PCMTD1: variants seen among roughly 807,000 people sequenced by gnomAD.
PCMTD1 encodes protein-L-isoaspartate (D-aspartate) O-methyltransferase domain containing 1.
Under a neutral mutation model 37.6 loss-of-function variants are expected in PCMTD1, and 12 were observed. The observed-to-expected ratio is 0.32, with a 90% confidence interval of 0.20 to 0.52. The LOEUF (loss-of-function observed/expected upper bound fraction) is 0.52, where lower values mean the gene tolerates loss of function less well. PCMTD1 is among the 20% of genes least tolerant of loss of function. PCMTD1 has a pLI of 0.97. For synonymous variants in PCMTD1, 117 were observed against 135.8 expected, an observed-to-expected ratio of 0.86 and a Z score of 0.96; for missense variants, 235 against 421.3, an observed-to-expected ratio of 0.56 and a Z score of 3.87.
At chr8:51,880,216 A>G (rs1275511942) in intron 1 of PCMTD1, among the ~76,000 whole-genome samples, 1 of 152,034 alleles carries the variant, frequency 6.6e-6, no homozygotes, top group East Asian at 1.9e-4. Flanking sequence ...ATGAAAAAAA[A>G]AAGAGGGGAG....
At chr8:51,869,461 G>A (rs1370709690) in intron 1 of PCMTD1, among the ~76,000 whole-genome samples, 1 of 151,976 alleles carries the variant, frequency 6.6e-6, no homozygotes, top group Non-Finnish European at 1.5e-5. Flanking sequence ...GTCCCTCAGA[G>A]CTCTAATTTC....
intron 5 of PCMTD1, among the ~76,000 whole-genome samples, chr8:51,821,802 T>A (rs2037852563): frequency 1.3e-5 from 2 of 151,420 alleles, no homozygotes; most frequent in African/African-American, 2.4e-5. Flanking sequence ...AGTGGCGTGA[T>A]CTCAGCTACT....
At chr8:51,860,541 A>C (rs2038456766) in intron 2 of PCMTD1, 1 of 213,660 alleles carries the variant, frequency 4.7e-6, no homozygotes, top group Non-Finnish European at 9.4e-6. Flanking sequence ...AGAAGACAGA[A>C]CACTCTATCT....
chr8:51,837,972 G>A (rs1363239200), intron 3 of PCMTD1, among the ~76,000 whole-genome samples: 2 of 152,040 alleles, frequency 1.3e-5, no homozygotes, highest in East Asian at 3.9e-4. Flanking sequence ...TAGAGATGGG[G>A]CTGTACTAGT....
At chr8:51,866,308 A>G (rs987329831) in intron 1 of PCMTD1, among the ~76,000 whole-genome samples, 1 of 151,928 alleles carries the variant, frequency 6.6e-6, no homozygotes, top group African/African-American at 2.4e-5. Context: ...AAACAATCCT[A>G]AAATTTGTGA....
intron 5 of PCMTD1, among the ~76,000 whole-genome samples, chr8:51,821,025 G>A (rs2129271948): frequency 6.6e-6 from 1 of 152,286 alleles, no homozygotes; most frequent in South Asian, 2.1e-4. Flanking sequence ...AAGTAATTAG[G>A]AGACAAGACC....
chr8:51,878,636 C>A (rs2038749013), intron 1 of PCMTD1, among the ~76,000 whole-genome samples: 1 of 152,034 alleles, frequency 6.6e-6, no homozygotes, highest in African/African-American at 2.4e-5. Context: ...ATAGTCCCAG[C>A]TACTCAGGAA....
chr8:51,885,474 G>A (rs944182367), intron 1 of PCMTD1, among the ~76,000 whole-genome samples: 1 of 152,290 alleles, frequency 6.6e-6, no homozygotes, highest in East Asian at 1.9e-4. Flanking sequence ...GGATGCCTTA[G>A]TGGCTTCATC....
At chr8:51,835,033 C>T (rs2038050130) in intron 3 of PCMTD1, among the ~76,000 whole-genome samples, 1 of 152,160 alleles carries the variant, frequency 6.6e-6, no homozygotes. Flanking sequence ...AGTTCAAGCT[C>T]CTAGGAGTGC....
intron 1 of PCMTD1, among the ~76,000 whole-genome samples, chr8:51,881,252 TTGG>T (rs61046939): frequency 0.69 from 104,399 of 151,966 alleles, 42,313 homozygotes; most frequent in Non-Finnish European, 0.9. Flanking sequence ...AGTGCCTGTG[TTGG>T]TGGTGCCACT....
chr8:51,847,009 T>C (rs1378287091), intron 2 of PCMTD1, among the ~76,000 whole-genome samples: 1 of 152,234 alleles, frequency 6.6e-6, no homozygotes, highest in Non-Finnish European at 1.5e-5. Context: ...CTTTGCAATG[T>C]TTTTACATTT....
At chr8:51,880,244 T>C (rs1417010400) in intron 1 of PCMTD1, among the ~76,000 whole-genome samples, 3 of 151,548 alleles carry the variant, frequency 2.0e-5, no homozygotes, top group Non-Finnish European at 4.4e-5. Context: ...GAGGAGACAA[T>C]AGGTATTTGC....
At position 51,834,369 on chromosome 8, in the gene PCMTD1, G is replaced by A. The variant is rs370257465; in HGVS notation, c.411-680C>T. ...ATTTCAAAGGTATTTTATCTGGGCTGCTTGTTCCTGGTAATAGTGTTGGTT... is the reference window on the plus strand; with the variant it reads ...ATTTCAAAGGTATTTTATCTGGGCTACTTGTTCCTGGTAATAGTGTTGGTT... On this transcript the variant is annotated intron_variant, in intron 3 of 5. Coordinates refer to ENST00000522514, the MANE Select transcript of PCMTD1 (RefSeq NM_052937.4). 2.0e-5 allele frequency among the ~76,000 whole-genome samples: 3 copies of A among 152,246 alleles called. No homozygotes were observed. In the South Asian group the frequency reaches 6.2e-4, roughly 32 times the overall value.
chr8:51,866,807 T>C (rs901235210), intron 1 of PCMTD1, among the ~76,000 whole-genome samples: 5 of 151,944 alleles, frequency 3.3e-5, no homozygotes, highest in African/African-American at 4.8e-5. Context: ...AAAGCTTCTG[T>C]ACAGTAAAGC....
intron 1 of PCMTD1, among the ~76,000 whole-genome samples, chr8:51,867,541 A>G (rs1187504117): frequency 6.6e-6 from 1 of 151,278 alleles, no homozygotes; most frequent in African/African-American, 2.4e-5. Context: ...GAGAGAAAGA[A>G]GAAAAAGATA....
intron 5 of PCMTD1, among the ~76,000 whole-genome samples, chr8:51,830,572 G>A (rs981482644): frequency 6.6e-6 from 1 of 152,086 alleles, no homozygotes; most frequent in African/African-American, 2.4e-5. Context: ...CCACTCTCCT[G>A]TGGGTGTAAG....
rs1456251747 is a variant in PCMTD1, at chr8:51,822,879, A to G, written c.707-2161T>C. Among the ~76,000 whole-genome samples the G allele has an allele frequency of 3.9e-5, 6 of 152,366 alleles. No individual in the cohort carries two copies. In the East Asian group the frequency reaches 1.2e-3, roughly 29 times the overall value. ...AGAAATTATAAAGGAGCTAGGAAAT[A>G]GAAACTATATCAGTCTTTTCCGCTG... On this transcript the variant is annotated intron_variant, in intron 5 of 5. Transcript: ENST00000522514.
At chr8:51,848,569 G>T (rs1206904593) in intron 2 of PCMTD1, among the ~76,000 whole-genome samples, 1 of 152,060 alleles carries the variant, frequency 6.6e-6, no homozygotes, top group Non-Finnish European at 1.5e-5. Flanking sequence ...TCTCTTTTTC[G>T]TTTTATTTTT....
chr8:51,851,386 C>G (rs1434991890), intron 2 of PCMTD1, among the ~76,000 whole-genome samples: 1 of 152,174 alleles, frequency 6.6e-6, no homozygotes, highest in Non-Finnish European at 1.5e-5. Flanking sequence ...GAGAATGGAA[C>G]CAAGGCCCTA....
Sources: allele counts gnomAD v4.1 joint callset (sites outside exome capture counted in the v4.1 genomes callset), GRCh38; gene constraint gnomAD v4.1.1; transcripts MANE v1.5; gene names NCBI Gene and HGNC (gene_info 2026-07-23, HGNC 2026-07-21).